The following BMX variants were observed in gnomAD, a reference collection of about 807,000 sequenced individuals.
The protein encoded by BMX is BMX non-receptor tyrosine kinase.
BMX carries 31 observed loss-of-function variants against 59.2 expected under a neutral mutation model. The observed-to-expected ratio is 0.52, with a 90% CI of 0.39 to 0.71. The LOEUF (loss-of-function observed/expected upper bound fraction) is 0.71, where lower values mean the gene tolerates loss of function less well. Ranked by LOEUF, BMX falls within the 30% of genes least tolerant of loss-of-function variation. The pLI is 0.00. For missense variants in BMX, 474 were observed against 491.7 expected, an observed-to-expected ratio of 0.96 and a Z score of 0.34; for synonymous variants, 185 against 181.0, an observed-to-expected ratio of 1.02 and a Z score of -0.18.
intron 1 of BMX, among the ~76,000 whole-genome samples, chrX:15,502,915 C>G: frequency 9.0e-6 from 1 of 111,537 alleles, no homozygotes; most frequent in South Asian, 3.8e-4. Flanking sequence ...CTTGGAGCGT[C>G]TTCCCTTTCT....
chrX:15,550,149 T>C, intron 18 of BMX, 152 bp downstream of exon 18: 4 of 651,860 alleles, frequency 6.1e-6, no homozygotes, highest in South Asian at 9.5e-5. Context: ...ATGTTTGTAA[T>C]CTAAAACATG....
chrX:15,534,461 C>A, intron 12 of BMX, 122 bp downstream of exon 12: 1 of 628,160 alleles, frequency 1.6e-6, no homozygotes, highest in Non-Finnish European at 2.2e-6. Context: ...AAAAAATCCT[C>A]TCAAGTCTTT....
At chrX:15,504,719 G>T (rs1321503545) in intron 1 of BMX, among the ~76,000 whole-genome samples, 1 of 112,350 alleles carries the variant, frequency 8.9e-6, no homozygotes, top group African/African-American at 3.2e-5. Flanking sequence ...ATGGCTGCTG[G>T]CTTCCTTATA....
At position 15,500,892 on chromosome X, in the gene BMX, A is replaced by G; in HGVS notation, c.-58A>G. 1 of 754,281 alleles carries G rather than the reference A, an allele frequency of 1.3e-6. No individual in the cohort carries two copies. Among genetic ancestry groups the G allele is most frequent in the Middle Eastern group, 7.6e-4 (1 of 1,324 alleles). The allele number at this position is 754,281 out of a possible 1,213,427, so 62.2% of individuals were successfully genotyped here. On this transcript the variant is annotated 5_prime_UTR_variant, in exon 1 of 19. Transcript: ENST00000348343. The stretch of plus-strand genomic sequence containing the variant: ...GCCGGGGCCGTGTTCCTGCAACAGC[A>G]GACCAAGCACCGCGGCGGACCCAGG...
intron 6 of BMX, among the ~76,000 whole-genome samples, chrX:15,518,709 C>T (rs1415710332): frequency 9.0e-6 from 1 of 111,014 alleles, no homozygotes; most frequent in Non-Finnish European, 1.9e-5. Flanking sequence ...ATTCATGGCC[C>T]TTTCAGAGTT....
At position 15,509,297 on chromosome X, in the gene BMX, G is replaced by A. The variant is rs1216907033; in HGVS notation, c.139-32G>A. 5 of 1,123,478 alleles carry A rather than the reference G, an allele frequency of 4.5e-6. No individual in the cohort carries two copies. The African/African-American group carries it at 7.9e-5, about 18-fold the overall frequency. 92.6% of individuals were successfully genotyped at this position (1,123,478 alleles called of 1,213,427 possible). On this transcript the variant is annotated intron_variant, in intron 2 of 18. Coordinates refer to ENST00000348343, the MANE Select transcript of BMX (RefSeq NM_203281.3). ...TCCTTGTGCACCATGATGTATTGCA[G>A]GAAGTATCTTACATTTTGTTTTTTA...
intron 1 of BMX, among the ~76,000 whole-genome samples, chrX:15,508,098 A>T (rs1923810157): frequency 8.9e-6 from 1 of 112,247 alleles, no homozygotes; most frequent in African/African-American, 3.2e-5. Flanking sequence ...TTTATTATCC[A>T]CAGTGGGAGG....
intron 17 of BMX, 104 bp from the exon 18 acceptor site, chrX:15,549,736 A>G (rs1386714858): frequency 2.2e-5 from 22 of 978,188 alleles, no homozygotes. Context: ...ACTCTGACCC[A>G]TAGCCTTCCT....
chrX:15,513,467 A>G (rs758496841), intron 4 of BMX, among the ~76,000 whole-genome samples: 7 of 112,137 alleles, frequency 6.2e-5, no homozygotes, highest in Non-Finnish European at 1.3e-4. Context: ...TTGGCCAACC[A>G]ACCTGCTGCA....
chrX:15,549,406 T>C (rs1011011925), intron 17 of BMX, among the ~76,000 whole-genome samples: 2 of 112,113 alleles, frequency 1.8e-5, no homozygotes, highest in South Asian at 3.7e-4. Flanking sequence ...AATTGTTGCA[T>C]GCAGCTGCCA....
At chrX:15,523,129 A>G (rs756542826) in intron 7 of BMX, among the ~76,000 whole-genome samples, 1 of 112,372 alleles carries the variant, frequency 8.9e-6, no homozygotes, top group African/African-American at 3.2e-5. Context: ...ATCTCTTGGT[A>G]TGGCACTGAA....
rs755388326 is a variant in BMX at position 15,514,144 on chromosome X, A to C, written c.326-1968A>C. ...ATAGGAATCCCAACATGTGGAGGCC[A>C]GAAGCTTAGAGAGCAGGAAGGCAAG... On this transcript the variant is annotated intron_variant, in intron 4 of 18. Coordinates refer to ENST00000348343, the MANE Select transcript of BMX (RefSeq NM_203281.3). Among the ~76,000 whole-genome samples, 3 of 112,010 alleles carry C rather than the reference A, an allele frequency of 2.7e-5. No homozygotes were observed. In the East Asian group the frequency reaches 8.4e-4, roughly 32 times the overall value.
intron 1 of BMX, among the ~76,000 whole-genome samples, chrX:15,501,531 A>G (rs962318674): frequency 8.9e-6 from 1 of 112,207 alleles, no homozygotes; most frequent in Non-Finnish European, 1.9e-5. Flanking sequence ...GTGGGCCACA[A>G]TGATTTCATT....
intron 1 of BMX, among the ~76,000 whole-genome samples, chrX:15,506,788 A>G (rs980658749): frequency 1.8e-5 from 2 of 112,074 alleles, no homozygotes; most frequent in Non-Finnish European, 3.8e-5. Context: ...GGCAAATAGT[A>G]CCCATTGTAC....
At chrX:15,541,194 C>T (rs1057403556) in intron 14 of BMX, among the ~76,000 whole-genome samples, 1 of 111,261 alleles carries the variant, frequency 9.0e-6, no homozygotes, top group African/African-American at 3.3e-5. Flanking sequence ...TAATAAGAAA[C>T]ACTAAAGGAC....
intron 3 of BMX, among the ~76,000 whole-genome samples, chrX:15,510,023 T>A (rs137943214): frequency 5.2e-4 from 58 of 111,696 alleles, no homozygotes; most frequent in African/African-American, 1.9e-3. Flanking sequence ...AAGGCACTGA[T>A]GAGTGAAACA....
intron 18 of BMX, among the ~76,000 whole-genome samples, chrX:15,555,569 G>A (rs1186495305): frequency 9.0e-6 from 1 of 110,946 alleles, no homozygotes; most frequent in Non-Finnish European, 1.9e-5. Flanking sequence ...TTTTAAAGTC[G>A]TCCCCATTTT....
At chrX:15,520,425 G>C (rs983183523) in intron 6 of BMX, among the ~76,000 whole-genome samples, 5 of 111,824 alleles carry the variant, frequency 4.5e-5, no homozygotes, top group Admixed American at 3.8e-4. Context: ...TCTTATTGGA[G>C]TGATGGGAAG....
intron 13 of BMX, among the ~76,000 whole-genome samples, chrX:15,536,684 C>G (rs1218517871): frequency 1.8e-5 from 2 of 110,682 alleles, no homozygotes; most frequent in African/African-American, 6.6e-5. Context: ...TCCAGCACAC[C>G]ATTGTCTGTC....
Sources: gnomAD v4.1 joint callset for allele counts (sites outside exome capture counted in the v4.1 genomes callset) on GRCh38, gnomAD v4.1.1 for gene constraint, MANE v1.5 for transcripts, NCBI Gene and HGNC (gene_info 2026-07-23, HGNC 2026-07-21) for gene names.